Variants in TFEC observed in about 807,000 individuals in gnomAD.
TFEC encodes the protein transcription factor EC, also known as class E basic helix-loop-helix protein 34.
A neutral mutation model predicts 41.6 loss-of-function variants in TFEC; 31 were observed. The ratio of observed to expected loss-of-function variants is 0.74; its 90% CI spans 0.56 to 1.01. TFEC has a LOEUF of 1.01. TFEC is among the 50% of genes least tolerant of loss of function. The pLI, the probability that TFEC is intolerant of heterozygous loss-of-function variation, is 0.00. For synonymous variants in TFEC, 143 were observed against 140.6 expected, an observed-to-expected ratio of 1.02 and a Z score of -0.12; for missense variants, 402 against 404.1, an observed-to-expected ratio of 0.99 and a Z score of 0.04.
intron 3 of TFEC, among the ~76,000 whole-genome samples, chr7:116,069,887 G>T (rs1233871157): frequency 6.6e-6 from 1 of 151,532 alleles, no homozygotes; most frequent in Admixed American, 6.6e-5. Context: ...GTCAAAATAT[G>T]TGACCAGTTT....
chr7:116,042,050 A>C lies in TFEC; in HGVS notation c.199-57537T>G, dbSNP rs1354808456. 3.4e-5 allele frequency among the ~76,000 whole-genome samples: 5 copies of C among 148,988 alleles called. No individual in the cohort carries two copies. In the South Asian group the frequency reaches 6.5e-4, roughly 20 times the overall value. On this transcript the variant is annotated intron_variant, in intron 3 of 8. Coordinates refer to the TFEC transcript ENST00000484212. ...AACAGTGGTGGAAGTGGTGCCTAGT[A>C]ACCTTAATTTTAAAGAAAAAAAAAC...
chr7:116,069,044 TC>T (rs1796762782), intron 3 of TFEC, among the ~76,000 whole-genome samples: 1 of 151,234 alleles, frequency 6.6e-6, no homozygotes, highest in African/African-American at 2.4e-5. Context: ...ACTCTACATT[TC>T]TTCATACTTT....
chr7:115,987,786 T>G (rs992661795), intron 1 of TFEC, among the ~76,000 whole-genome samples: 30 of 152,112 alleles, frequency 2.0e-4, no homozygotes, highest in African/African-American at 6.8e-4. Flanking sequence ...GTGTTTTATA[T>G]ATATATAAAC....
At chr7:115,963,804 G>C (rs1396748432) in intron 3 of TFEC, among the ~76,000 whole-genome samples, 5 of 151,638 alleles carry the variant, frequency 3.3e-5, no homozygotes, top group Non-Finnish European at 7.4e-5. Context: ...CAGAGTTTTT[G>C]TTTGGGATAT....
At chr7:116,158,256 G>A (rs912692571) in intron 1 of TFEC, among the ~76,000 whole-genome samples, 9 of 151,798 alleles carry the variant, frequency 5.9e-5, no homozygotes, top group African/African-American at 1.7e-4. Flanking sequence ...GTCCATTTTC[G>A]AGCCTATAGA....
intron 3 of TFEC, among the ~76,000 whole-genome samples, chr7:115,965,296 T>A (rs1419012238): frequency 6.6e-6 from 1 of 151,664 alleles, no homozygotes; most frequent in East Asian, 1.9e-4. Flanking sequence ...ATTCTGTTCA[T>A]CAAATTTGTT....
intron 6 of TFEC, among the ~76,000 whole-genome samples, chr7:115,946,414 TGTGTG>T (rs1562878774): frequency 3.3e-4 from 43 of 130,720 alleles, no homozygotes; most frequent in Non-Finnish European, 4.6e-4. Flanking sequence ...TGTGTGTGTG[TGTGTG>T]TGTGTGTGTG....
At chr7:115,966,279 C>A (rs928301720) in intron 3 of TFEC, among the ~76,000 whole-genome samples, 5 of 151,606 alleles carry the variant, frequency 3.3e-5, no homozygotes, top group African/African-American at 9.7e-5. Flanking sequence ...TGGCTCTCAA[C>A]AATAGACTTC....
chr7:115,988,073 T>C (rs1793937360), intron 1 of TFEC, among the ~76,000 whole-genome samples: 1 of 152,158 alleles, frequency 6.6e-6, no homozygotes, highest in African/African-American at 2.4e-5. Flanking sequence ...AATTAACCTA[T>C]ATAGAGAATA....
chr7:116,137,613 A>G (rs951614173), intron 1 of TFEC, among the ~76,000 whole-genome samples: 3 of 152,164 alleles, frequency 2.0e-5, no homozygotes, highest in Non-Finnish European at 4.4e-5. Flanking sequence ...TGATTAGGGT[A>G]GATGCTAACT....
chr7:115,938,861 A>T lies in TFEC; in HGVS notation c.*1690T>A, dbSNP rs1793353611. 6.6e-6 allele frequency: 1 copy of T among 151,882 alleles called. No homozygotes were observed. The highest frequency in any genetic ancestry group is 2.1e-4 in the South Asian group (1 of 4,824). 9.4% of individuals were successfully genotyped at this position (151,882 alleles called of 1,614,324 possible). A position where few individuals can be genotyped will look rare whatever the true frequency, so the allele number is the denominator to read the frequency against. ...CCATAGTTTTCTAAGGGCCTTCACAACCTGTTGTCAGTCTTATGCTTCAGA... is the reference window on the plus strand; with the variant it reads ...CCATAGTTTTCTAAGGGCCTTCACATCCTGTTGTCAGTCTTATGCTTCAGA... On this transcript the variant is annotated 3_prime_UTR_variant, in exon 8 of 8. Coordinates refer to ENST00000265440, the MANE Select transcript of TFEC (RefSeq NM_012252.4).
At chr7:115,947,940 T>C (rs1276170801) in intron 6 of TFEC, among the ~76,000 whole-genome samples, 2 of 151,952 alleles carry the variant, frequency 1.3e-5, no homozygotes, top group Non-Finnish European at 2.9e-5. Flanking sequence ...ACAAAATTGA[T>C]AGACCGCTAG....
intron 1 of TFEC, among the ~76,000 whole-genome samples, chr7:116,023,019 T>A (rs1158650663): frequency 6.6e-6 from 1 of 151,626 alleles, no homozygotes; most frequent in African/African-American, 2.4e-5. Context: ...TGCTTTAAAA[T>A]CTATTAAGAG....
At chr7:115,941,675 A>G in intron 7 of TFEC, 1 of 569,486 alleles carries the variant, frequency 1.8e-6, no homozygotes, top group Non-Finnish European at 3.1e-6. Context: ...ATATACATAT[A>G]TACATATATA....
chr7:116,116,458 T>A (rs1797990548), intron 1 of TFEC, among the ~76,000 whole-genome samples: 1 of 151,854 alleles, frequency 6.6e-6, no homozygotes, highest in Admixed American at 6.6e-5. Context: ...ATTAGAGTGT[T>A]ACACCAATGA....
At chr7:115,979,508 A>G (rs1365455245) in intron 2 of TFEC, among the ~76,000 whole-genome samples, 1 of 152,148 alleles carries the variant, frequency 6.6e-6, no homozygotes, top group Non-Finnish European at 1.5e-5. Flanking sequence ...TAGGATGTGC[A>G]GTTTGTTCCC....
chr7:115,951,384 G>T (rs1245769354), intron 5 of TFEC, among the ~76,000 whole-genome samples: 1 of 152,050 alleles, frequency 6.6e-6, no homozygotes, highest in East Asian at 1.9e-4. Context: ...GCACATAGTA[G>T]GTCTGTGTAT....
chr7:116,032,228 C>G (rs1795801476), upstream of TFEC, among the ~76,000 whole-genome samples: 1 of 151,976 alleles, frequency 6.6e-6, no homozygotes, highest in Non-Finnish European at 1.5e-5. Flanking sequence ...CGGGTAGTTA[C>G]TTTTTTTACA....
At chr7:116,064,038 A>C (rs1205797486) in intron 3 of TFEC, among the ~76,000 whole-genome samples, 1 of 152,184 alleles carries the variant, frequency 6.6e-6, no homozygotes, top group African/African-American at 2.4e-5. Context: ...AACTGAACTC[A>C]ATAGAAGTAG....
Sources: allele counts gnomAD v4.1 joint callset (sites outside exome capture counted in the v4.1 genomes callset), GRCh38; gene constraint gnomAD v4.1.1; transcripts MANE v1.5; gene names NCBI Gene and HGNC (gene_info 2026-07-23, HGNC 2026-07-21).